SESTD1: variants seen among roughly 807,000 people sequenced by gnomAD.
The protein encoded by SESTD1 is SEC14 domain and spectrin repeat-containing protein 1.
In SESTD1, 43 loss-of-function variants were observed where a neutral mutation model predicts 101.7. The observed-to-expected ratio is 0.42, with a 90% CI of 0.33 to 0.55. The LOEUF (loss-of-function observed/expected upper bound fraction) is 0.55. Ranked by LOEUF, SESTD1 falls within the 20% of genes least tolerant of loss-of-function variation. The probability of loss-of-function intolerance (pLI) is 0.07; values close to 1 mark genes in which losing one functional copy is unlikely to be tolerated. For missense variants in SESTD1, 647 were observed against 815.1 expected (o/e 0.79, Z 2.51); for synonymous variants, 283 against 286.8 (o/e 0.99, Z 0.13).
At position 179,109,900 on chromosome 2, in the gene SESTD1, T is replaced by C; in HGVS notation, c.2090A>G (p.Ter697=). 2 of 1,613,736 alleles carry C rather than the reference T, an allele frequency of 1.2e-6. No individual in the cohort carries two copies. The highest frequency in any genetic ancestry group is 8.5e-7 in the Non-Finnish European group (1 of 1,179,830). The change falls in exon 18 of 18, where the codon TAA becomes TGA. Residue 697 remains the stop codon, a stop_retained_variant. Transcript: ENST00000428443. ...RHPEMVTTES[*] is the part of the protein sequence containing the mutation. The stretch of plus-strand genomic sequence containing the variant: ...AAATCTGTAGGTAGCTGGTAGCTAT[T>C]AGCTCTCTGTGGTCACCATTTCAGG...
chr2:179,173,984 C>T (rs1215980947), intron 4 of SESTD1, among the ~76,000 whole-genome samples: 1 of 152,136 alleles, frequency 6.6e-6, no homozygotes, highest in Admixed American at 6.5e-5. Context: ...CATCATAAAT[C>T]TAGCATCCTC....
At chr2:179,156,724 C>T (rs183392555) in intron 5 of SESTD1, among the ~76,000 whole-genome samples, 23 of 152,156 alleles carry the variant, frequency 1.5e-4, no homozygotes, top group Non-Finnish European at 3.1e-4. Context: ...GCATATTGTC[C>T]TTTATCAGAT....
intron 3 of SESTD1, among the ~76,000 whole-genome samples, chr2:179,181,462 G>A (rs1429089359): frequency 2.0e-5 from 3 of 152,130 alleles, no homozygotes; most frequent in Non-Finnish European, 4.4e-5. Context: ...CCACCCTCAG[G>A]CATTTTTCAA....
chr2:179,219,830 T>A (rs950046627), intron 1 of SESTD1, among the ~76,000 whole-genome samples: 1 of 152,200 alleles, frequency 6.6e-6, no homozygotes, highest in African/African-American at 2.4e-5. Flanking sequence ...ATGAAAGTTA[T>A]TTTTTAAAAG....
In SESTD1 at chr2:179,193,750, C is replaced by T. The variant is rs973905344; in HGVS notation, c.-25-1884G>A. On this transcript the variant is annotated intron_variant, in intron 1 of 17. Transcript: ENST00000428443. Reference sequence around the variant, plus strand: ...GACAAACCCCGTCTATTCCTTCAGACTTATCTCTGGGTTGCATCCTAAAAT... The same window carrying T: ...GACAAACCCCGTCTATTCCTTCAGATTTATCTCTGGGTTGCATCCTAAAAT... 2.0e-4 allele frequency among the ~76,000 whole-genome samples: 31 copies of T among 152,168 alleles called. 1 individual carries two copies. Among genetic ancestry groups the T allele is most frequent in the Admixed American group, 2.0e-3 (31 of 15,274 alleles).
At chr2:179,155,975 C>T (rs115960966) in intron 5 of SESTD1, among the ~76,000 whole-genome samples, 23,894 of 151,976 alleles carry the variant, frequency 0.16, 3,031 homozygotes, top group African/African-American at 0.36. Flanking sequence ...CACATATCAG[C>T]GAGAACACAC....
chr2:179,128,597 C>T (rs1384080600), intron 10 of SESTD1, among the ~76,000 whole-genome samples: 13 of 151,812 alleles, frequency 8.6e-5, no homozygotes, highest in African/African-American at 3.1e-4. Flanking sequence ...GGTGTGGTGG[C>T]GCATGCCTGT....
At chr2:179,171,003 T>C (rs986637834) in intron 5 of SESTD1, among the ~76,000 whole-genome samples, 1 of 152,186 alleles carries the variant, frequency 6.6e-6, no homozygotes, top group Non-Finnish European at 1.5e-5. Flanking sequence ...TGAATCAATA[T>C]ACCAAATTAC....
chr2:179,139,082 A>C (rs552620988), intron 9 of SESTD1, among the ~76,000 whole-genome samples: 1 of 152,218 alleles, frequency 6.6e-6, no homozygotes, highest in African/African-American at 2.4e-5. Context: ...TTACCATGAC[A>C]TGCATATTCC....
intron 1 of SESTD1, among the ~76,000 whole-genome samples, chr2:179,229,136 T>C (rs1271118114): frequency 6.6e-6 from 1 of 152,222 alleles, no homozygotes; most frequent in East Asian, 1.9e-4. Context: ...TTAACTTGAC[T>C]GGGCCATGAG....
intron 1 of SESTD1, among the ~76,000 whole-genome samples, chr2:179,223,094 A>G (rs10181464): frequency 0.29 from 44,344 of 152,036 alleles, 6,833 homozygotes; most frequent in South Asian, 0.43. Flanking sequence ...ATATAATAGG[A>G]TACCATTAGG....
At chr2:179,243,951 T>C (rs1202404048) in intron 1 of SESTD1, among the ~76,000 whole-genome samples, 4 of 147,376 alleles carry the variant, frequency 2.7e-5, no homozygotes, top group Admixed American at 1.4e-4. Context: ...TGTGTATATA[T>C]ATATATATAT....
intron 1 of SESTD1, among the ~76,000 whole-genome samples, chr2:179,217,380 T>C (rs2046738654): frequency 6.6e-6 from 1 of 152,226 alleles, no homozygotes. Flanking sequence ...CCTGAAAATA[T>C]GCTCATCATC....
At chr2:179,123,692 C>T (rs759886690) in intron 12 of SESTD1, 23 bp downstream of exon 12, 3 of 1,456,482 alleles carry the variant, frequency 2.1e-6, no homozygotes, top group East Asian at 2.3e-5. Context: ...CCTTATGTTT[C>T]AGCATTTTTA....
intron 9 of SESTD1, among the ~76,000 whole-genome samples, chr2:179,141,560 T>C (rs921821042): frequency 5.9e-5 from 9 of 152,146 alleles, no homozygotes; most frequent in Non-Finnish European, 1.2e-4. Context: ...GAAGACTCAT[T>C]ATGTGCCAGA....
chr2:179,222,631 T>C (rs1478774210), intron 1 of SESTD1, among the ~76,000 whole-genome samples: 3 of 152,220 alleles, frequency 2.0e-5, no homozygotes, highest in African/African-American at 7.2e-5. Flanking sequence ...TATATGATTC[T>C]ATTAATAACC....
intron 1 of SESTD1, among the ~76,000 whole-genome samples, chr2:179,226,638 A>T (rs951773181): frequency 6.6e-6 from 1 of 152,184 alleles, no homozygotes; most frequent in Admixed American, 6.5e-5. Flanking sequence ...ATATTGCTTG[A>T]CTCAGAAAAG....
intron 1 of SESTD1, among the ~76,000 whole-genome samples, chr2:179,197,414 A>G (rs2046419190): frequency 6.6e-6 from 1 of 152,204 alleles, no homozygotes; most frequent in Non-Finnish European, 1.5e-5. Flanking sequence ...AACTTCCCCA[A>G]TCTAGCAAGG....
In SESTD1 at chr2:179,207,743, C is replaced by A. The variant is rs2046607636; in HGVS notation, c.-25-15877G>T. ...GAACAGCAGCCCCTGAGTTCCAGAT[C>A]TTTCCACTGAAACAGTCTAACAAAA... On this transcript the variant is annotated intron_variant, in intron 1 of 17. Transcript: ENST00000428443. Among the ~76,000 whole-genome samples the A allele has an allele frequency of 1.5e-5, 2 of 134,744 alleles. 1 individual carries two copies. Among genetic ancestry groups the A allele is most frequent in the Non-Finnish European group, 3.2e-5 (2 of 62,738 alleles). The allele number at this position is 134,744 out of a possible 152,430, so 88.4% of individuals were successfully genotyped here. A position where few individuals can be genotyped will look rare whatever the true frequency, so the allele number is the denominator to read the frequency against.
Sources: gnomAD v4.1 joint callset for allele counts (sites outside exome capture counted in the v4.1 genomes callset) on GRCh38, gnomAD v4.1.1 for gene constraint, MANE v1.5 for transcripts, NCBI Gene and HGNC (gene_info 2026-07-23, HGNC 2026-07-21) for gene names.